NEO1: variants seen among roughly 807,000 people sequenced by gnomAD.
NEO1 encodes neogenin 1, also known as neogenin.
A neutral mutation model predicts 159.7 loss-of-function variants in NEO1; 63 were observed. That is an observed-to-expected ratio of 0.39 (90% CI 0.32 to 0.49). The LOEUF is 0.49. NEO1 is among the 20% of genes least tolerant of loss of function. The probability of loss-of-function intolerance (pLI) is 0.85; values close to 1 mark genes in which losing one functional copy is unlikely to be tolerated. For synonymous variants in NEO1, 633 were observed against 662.0 expected, an observed-to-expected ratio of 0.96 and a Z score of 0.67; for missense variants, 1,615 against 1,831.0, an observed-to-expected ratio of 0.88 and a Z score of 2.15.
At chr15:73,249,383 C>T (rs2039959335) in intron 10 of NEO1, among the ~76,000 whole-genome samples, 175 bp downstream of exon 10, 1 of 152,144 alleles carries the variant, frequency 6.6e-6, no homozygotes, top group African/African-American at 2.4e-5. Flanking sequence ...TTTTTACCAG[C>T]AGTGGTCAGT....
intron 7 of NEO1, among the ~76,000 whole-genome samples, chr15:73,185,645 T>C (rs747626518): frequency 1.3e-5 from 2 of 152,166 alleles, no homozygotes; most frequent in East Asian, 1.9e-4. Context: ...CCCAGATGAG[T>C]TGAAAATTTA....
chr15:73,293,772 C>G (rs1344982394), intron 26 of NEO1, among the ~76,000 whole-genome samples: 1 of 152,212 alleles, frequency 6.6e-6, no homozygotes, highest in South Asian at 2.1e-4. Context: ...TTAGTAAAAA[C>G]AGTATCTCTA....
chr15:73,220,470 G>T lies in NEO1; in HGVS notation c.1292-15877G>T, dbSNP rs1470437660. ...TCTGTATTTCCTGAATCTGAATGTTGGCCTGCCTTGCTAGATTGGGGAAGT... is the reference window on the plus strand; with the variant it reads ...TCTGTATTTCCTGAATCTGAATGTTTGCCTGCCTTGCTAGATTGGGGAAGT... On this transcript the variant is annotated intron_variant, in intron 7 of 28. Coordinates refer to ENST00000261908, the MANE Select transcript of NEO1 (RefSeq NM_002499.4). Among the ~76,000 whole-genome samples the T allele has an allele frequency of 3.3e-5, 5 of 152,088 alleles. No individual in the cohort carries two copies. The South Asian group carries it at 1.0e-3, about 32-fold the overall frequency.
At chr15:73,142,300 T>G (rs1158140878) in intron 5 of NEO1, among the ~76,000 whole-genome samples, 2 of 152,136 alleles carry the variant, frequency 1.3e-5, no homozygotes, top group Admixed American at 6.5e-5. Context: ...CAGGAGATGT[T>G]GAAGCTGCGA....
chr15:73,164,877 AAG>A (rs1232920162), intron 5 of NEO1, among the ~76,000 whole-genome samples: 2 of 152,222 alleles, frequency 1.3e-5, no homozygotes, highest in Non-Finnish European at 2.9e-5. Context: ...CAGTATTATT[AAG>A]AGAGAAATAC....
Position 73,116,763 on chromosome 15 carries a change from A to G in NEO1, c.354A>G (p.Lys118=), listed in dbSNP as rs143861097. Residue 118 remains lysine, a synonymous_variant, in exon 2 of 29, where the codon AAA becomes AAG. Coordinates refer to ENST00000261908, the MANE Select transcript of NEO1 (RefSeq NM_002499.4). ...TTATCAGCAATGTGGTGCATTCCAA[A>G]CACAATAAACCTGATGAAGGTTATT... ...SLFISNVVHS[K]HNKPDEGYYQ... 3.7e-6 allele frequency: 6 copies of G among 1,614,036 alleles called. No homozygotes were observed. The highest frequency in any genetic ancestry group is 4.2e-6 in the Non-Finnish European group (5 of 1,179,932).
chr15:73,059,002 C>CG (rs1202213357), intron 1 of NEO1, among the ~76,000 whole-genome samples: 1 of 151,964 alleles, frequency 6.6e-6, no homozygotes, highest in East Asian at 1.9e-4. Flanking sequence ...GGAAAATCGT[C>CG]TATGTTACTT....
intron 10 of NEO1, 75 bp downstream of exon 10, chr15:73,249,283 TGC>T (rs1164046753): frequency 6.8e-6 from 10 of 1,475,680 alleles, no homozygotes; most frequent in Non-Finnish European, 9.3e-6. Context: ...ACTCAGTAGT[TGC>T]TTGACTGGAA....
At position 73,240,426 on chromosome 15, in the gene NEO1, G is replaced by A. The variant is rs913526191; in HGVS notation, c.1452-3918G>A. On this transcript the variant is annotated intron_variant, in intron 8 of 28. Coordinates refer to ENST00000261908, the MANE Select transcript of NEO1 (RefSeq NM_002499.4). ...GTAAGGCCATCTGTGTGTATGCTGT[G>A]AGAAGGATGCAAAGGCAAGAAAGCT... 7.8e-4 allele frequency among the ~76,000 whole-genome samples: 119 copies of A among 152,326 alleles called. 1 individual carries two copies. Among genetic ancestry groups the A allele is most frequent in the African/African-American group, 2.8e-3 (116 of 41,570 alleles).
Position 73,199,201 on chromosome 15 carries a change from A to T in NEO1, c.1291+20774A>T, listed in dbSNP as rs8031240. 8.5e-3 allele frequency among the ~76,000 whole-genome samples: 1,283 copies of T among 151,336 alleles called. 22 individuals carry two copies. The highest frequency in any genetic ancestry group is 0.029 in the African/African-American group (1,211 of 41,094). Reference sequence around the variant, plus strand: ...TTAGAATTTGCCTGATATTTTCTTAAGAGTAGACTGGGATATGGGTTTTTG... The same window carrying T: ...TTAGAATTTGCCTGATATTTTCTTATGAGTAGACTGGGATATGGGTTTTTG... On this transcript the variant is annotated intron_variant, in intron 7 of 28. Coordinates refer to ENST00000261908, the MANE Select transcript of NEO1 (RefSeq NM_002499.4).
At chr15:73,053,568 G>A (rs948366849) in intron 1 of NEO1, among the ~76,000 whole-genome samples, 1 of 152,126 alleles carries the variant, frequency 6.6e-6, no homozygotes, top group Admixed American at 6.5e-5. Flanking sequence ...GTTTTCAGAT[G>A]GCATTGTATA....
At chr15:73,081,584 T>G (rs777351379) in intron 1 of NEO1, among the ~76,000 whole-genome samples, 1 of 151,302 alleles carries the variant, frequency 6.6e-6, no homozygotes. Flanking sequence ...AGTGTTTTGT[T>G]TTTTTTTTTC....
At chr15:73,072,309 T>C (rs1249425101) in intron 1 of NEO1, among the ~76,000 whole-genome samples, 3 of 152,176 alleles carry the variant, frequency 2.0e-5, no homozygotes, top group Non-Finnish European at 4.4e-5. Flanking sequence ...TTGTATTTCA[T>C]TAATGTAATA....
chr15:73,294,787 G>A (rs1430982769), intron 26 of NEO1, among the ~76,000 whole-genome samples: 1 of 152,008 alleles, frequency 6.6e-6, no homozygotes, highest in Non-Finnish European at 1.5e-5. Flanking sequence ...TGATCCGCCT[G>A]CATTGGCCTC....
intron 5 of NEO1, among the ~76,000 whole-genome samples, chr15:73,151,323 C>T (rs540812530): frequency 2.6e-5 from 4 of 152,240 alleles, no homozygotes; most frequent in Admixed American, 2.6e-4. Flanking sequence ...AAAACTAATT[C>T]TTAAAGTGTT....
intron 1 of NEO1, among the ~76,000 whole-genome samples, chr15:73,059,517 CA>C (rs1649479519): frequency 6.6e-6 from 1 of 152,052 alleles, no homozygotes. Flanking sequence ...TAATTATGCA[CA>C]AAACTACACT....
intron 4 of NEO1, among the ~76,000 whole-genome samples, chr15:73,132,768 C>G (rs2031294273): frequency 6.6e-6 from 1 of 152,094 alleles, no homozygotes; most frequent in African/African-American, 2.4e-5. Flanking sequence ...AAATGGCCAA[C>G]AAACATGAAA....
intron 2 of NEO1, among the ~76,000 whole-genome samples, chr15:73,121,200 A>T (rs1025566158): frequency 1.3e-5 from 2 of 152,148 alleles, no homozygotes; most frequent in Non-Finnish European, 2.9e-5. Context: ...TAAAAACCAA[A>T]AGCAGAGTAC....
At chr15:73,110,559 A>G (rs2070923870) in intron 1 of NEO1, among the ~76,000 whole-genome samples, 1 of 152,192 alleles carries the variant, frequency 6.6e-6, no homozygotes, top group Non-Finnish European at 1.5e-5. Flanking sequence ...TTACAACAGA[A>G]AGGAGTTCCC....
Sources: allele counts gnomAD v4.1 joint callset (sites outside exome capture counted in the v4.1 genomes callset), GRCh38; gene constraint gnomAD v4.1.1; transcripts MANE v1.5; gene names NCBI Gene and HGNC (gene_info 2026-07-23, HGNC 2026-07-21).